Variants in OBP2B observed in about 807,000 individuals in gnomAD.
The protein encoded by OBP2B is odorant-binding protein 2b.
A neutral mutation model predicts 21.7 loss-of-function variants in OBP2B; 10 were observed. The observed-to-expected ratio is 0.46, with a 90% confidence interval of 0.28 to 0.78. The LOEUF is 0.78. OBP2B is among the 30% of genes least tolerant of loss of function. OBP2B has a pLI of 0.11. For synonymous variants in OBP2B, 73 were observed against 91.5 expected (o/e 0.80, Z 1.16); for missense variants, 153 against 217.7 (o/e 0.70, Z 1.87).
chr9:133,218,405 G>A, the OBP2B span, among the ~76,000 whole-genome samples: 5 of 152,364 alleles, frequency 3.3e-5, no homozygotes, highest in East Asian at 7.7e-4. Context: ...AAGGCAAGCT[G>A]TGACTTACGT....
chr9:133,220,065 C>G, the OBP2B span, among the ~76,000 whole-genome samples: 8,779 of 152,148 alleles, frequency 0.058, 361 homozygotes, highest in African/African-American at 0.11. Context: ...CCAGAACAGG[C>G]AAGTTCATGC....
At position 133,207,674 on chromosome 9, in the gene OBP2B, C is replaced by T. The variant is rs111673963; in HGVS notation, c.278-338G>A. Among the ~76,000 whole-genome samples, 300 of 140,082 alleles carry T rather than the reference C, an allele frequency of 2.1e-3. 2 individuals carry two copies. Among genetic ancestry groups the T allele is most frequent in the African/African-American group, 8.1e-3 (268 of 33,194 alleles). 91.9% of individuals were successfully genotyped at this position (140,082 alleles called of 152,430 possible). The stretch of plus-strand genomic sequence containing the variant: ...CCTCAGCTTCCGCAGCACTAACCCT[C>T]GGCCTCCCCATCCCTAACCCTCGGC... On this transcript the variant is annotated intron_variant, in intron 3 of 6. Transcript: ENST00000372034.
At chr9:133,222,380 G>A in the OBP2B span, among the ~76,000 whole-genome samples, 1 of 152,246 alleles carries the variant, frequency 6.6e-6, no homozygotes, top group African/African-American at 2.4e-5. Flanking sequence ...GCTTACACCT[G>A]TGACTCCTTC....
intron 3 of OBP2B, 48 bp from the exon 4 acceptor site, chr9:133,207,384 G>A (rs1833763465): frequency 3.2e-6 from 4 of 1,266,264 alleles, no homozygotes; most frequent in Admixed American, 1.8e-5. Flanking sequence ...AACACTCGGG[G>A]CCACATGAAG....
chr9:133,215,241 T>C, the OBP2B span, among the ~76,000 whole-genome samples: 1 of 152,162 alleles, frequency 6.6e-6, no homozygotes, highest in African/African-American at 2.4e-5. Context: ...ATGCTGAAAA[T>C]AATGCAATGA....
chr9:133,206,283 G>C (rs1226398078), intron 5 of OBP2B, 32 bp downstream of exon 5: 128 of 1,592,924 alleles, frequency 8.0e-5, no homozygotes, highest in Non-Finnish European at 1.1e-4. Flanking sequence ...CACAGCAGAG[G>C]GACACAGGGG....
At chr9:133,214,971 T>G in the OBP2B span, among the ~76,000 whole-genome samples, 3 of 152,186 alleles carry the variant, frequency 2.0e-5, no homozygotes, top group Non-Finnish European at 4.4e-5. Flanking sequence ...GGAAGAAAAC[T>G]GTCTGCATCT....
At chr9:133,211,336 G>A (rs555295280), upstream of OBP2B, among the ~76,000 whole-genome samples, 1 of 152,340 alleles carries the variant, frequency 6.6e-6, no homozygotes, top group East Asian at 1.9e-4. Context: ...CCACCATGCT[G>A]AAGCATCAGT....
intron 4 of OBP2B, 35 bp downstream of exon 4, chr9:133,207,191 G>T: frequency 1.4e-6 from 2 of 1,414,712 alleles, no homozygotes; most frequent in East Asian, 2.3e-5. Flanking sequence ...CAGAGACCGT[G>T]GGGCAGGACA....
At chr9:133,213,323 A>G (rs1265225998), upstream of OBP2B, among the ~76,000 whole-genome samples, 1 of 152,196 alleles carries the variant, frequency 6.6e-6, no homozygotes, top group Admixed American at 6.5e-5. Flanking sequence ...TATATTAGAA[A>G]AGAGAAGTCC....
chr9:133,214,142 T>C (rs4454354), upstream of OBP2B, among the ~76,000 whole-genome samples: 96,295 of 152,080 alleles, frequency 0.63, 32,632 homozygotes, highest in Non-Finnish European at 0.78. Context: ...AGAAAAAGTA[T>C]TTGACTAAAT....
At chr9:133,218,972 A>G in the OBP2B span, among the ~76,000 whole-genome samples, 3 of 152,372 alleles carry the variant, frequency 2.0e-5, no homozygotes, top group South Asian at 6.2e-4. Context: ...AAGGATTCCA[A>G]GGAACTGAAG....
chr9:133,208,824 C>T (rs1588618506), intron 1 of OBP2B, among the ~76,000 whole-genome samples: 1 of 152,036 alleles, frequency 6.6e-6, no homozygotes, highest in Non-Finnish European at 1.5e-5. Context: ...CATGTCTGCA[C>T]CCCATGGACC....
At chr9:133,207,718 C>T in intron 3 of OBP2B, 1 of 617,364 alleles carries the variant, frequency 1.6e-6, no homozygotes, top group South Asian at 1.6e-5. Context: ...CCCTAACCCT[C>T]AGCTTCCCGA....
At chr9:133,209,311 C>A (rs551841693), upstream of OBP2B, 397 of 992,110 alleles carry the variant, frequency 4.0e-4, 2 homozygotes, top group African/African-American at 5.7e-3. This position sits in a 1 kb window ranked among gnomAD's most constrained non-coding sequence, Gnocchi z 6.0. Context: ...CCTGGGAGCA[C>A]GTGGCACGGT....
chr9:133,222,997 G>A, the OBP2B span, among the ~76,000 whole-genome samples: 1 of 152,254 alleles, frequency 6.6e-6, no homozygotes, highest in African/African-American at 2.4e-5. Context: ...GTCTGTTCCT[G>A]GCTCTGAGAA....
At chr9:133,210,793 C>T (rs377750353), upstream of OBP2B, among the ~76,000 whole-genome samples, 61 of 152,200 alleles carry the variant, frequency 4.0e-4, no homozygotes, top group Admixed American at 1.8e-3. Context: ...CAGTCTCATT[C>T]GCCAACTGTG....
At chr9:133,212,702 G>A (rs1299571573), upstream of OBP2B, among the ~76,000 whole-genome samples, 1 of 152,190 alleles carries the variant, frequency 6.6e-6, no homozygotes, top group South Asian at 2.1e-4. Flanking sequence ...AGGCCCAGGC[G>A]GGTGGATCAC....
At chr9:133,211,995 T>TA (rs1480244911), upstream of OBP2B, among the ~76,000 whole-genome samples, 5 of 151,946 alleles carry the variant, frequency 3.3e-5, no homozygotes, top group African/African-American at 1.2e-4. Flanking sequence ...AGGTTGAAAG[T>TA]AAAAACATGA....
Sources: gnomAD v4.1 joint callset for allele counts (sites outside exome capture counted in the v4.1 genomes callset) on GRCh38, gnomAD v4.1.1 for gene constraint, Gnocchi (gnomAD v3.1) non-coding constraint, MANE v1.5 for transcripts, NCBI Gene and HGNC (gene_info 2026-07-23, HGNC 2026-07-21) for gene names.